Variants in TACR3 observed in about 807,000 individuals in gnomAD.
TACR3 encodes tachykinin receptor 3, also known as neuromedin-K receptor.
Under a neutral mutation model 35.0 loss-of-function variants are expected in TACR3, and 34 were observed. The observed-to-expected ratio is 0.97, with a 90% confidence interval of 0.74 to 1.30. The LOEUF (loss-of-function observed/expected upper bound fraction) is 1.30, where lower values mean the gene tolerates loss of function less well. Ranked by LOEUF, TACR3 falls within the 50% of genes most tolerant of loss-of-function variation. The probability of loss-of-function intolerance (pLI) is 0.00; values close to 1 mark genes in which losing one functional copy is unlikely to be tolerated. For synonymous variants in TACR3, 233 were observed against 221.1 expected, an observed-to-expected ratio of 1.05 and a Z score of -0.48; for missense variants, 558 against 591.7, an observed-to-expected ratio of 0.94 and a Z score of 0.59.
chr4:103,650,939 A>G lies in TACR3; in HGVS notation c.888+5255T>C, dbSNP rs1299361780. ...TAATAATATATATATCTTATATATAATAATATATATATCTCATATATAATA... is the reference window on the plus strand; with the variant it reads ...TAATAATATATATATCTTATATATAGTAATATATATATCTCATATATAATA... On this transcript the variant is annotated intron_variant, in intron 3 of 4. Coordinates refer to ENST00000304883, the MANE Select transcript of TACR3 (RefSeq NM_001059.3). 2.3e-3 allele frequency among the ~76,000 whole-genome samples: 50 copies of G among 21,548 alleles called. 4 individuals carry two copies. The highest frequency in any genetic ancestry group is 9.8e-3 in the African/African-American group (12 of 1,220). 14.1% of individuals were successfully genotyped at this position (21,548 alleles called of 152,430 possible). A position where few individuals can be genotyped will look rare whatever the true frequency, so the allele number is the denominator to read the frequency against.
At chr4:103,697,623 A>C (rs1022125585) in intron 1 of TACR3, among the ~76,000 whole-genome samples, 2 of 151,732 alleles carry the variant, frequency 1.3e-5, no homozygotes, top group Non-Finnish European at 2.9e-5. Flanking sequence ...ATGGGGTTTC[A>C]CCACGTTAGC....
rs1194273720 is a variant in TACR3 at position 103,667,710 on chromosome 4, A to G, written c.549-9307T>C. Among the ~76,000 whole-genome samples, 4 of 152,268 alleles carry G rather than the reference A, an allele frequency of 2.6e-5. No homozygotes were observed. In the South Asian group the frequency reaches 8.3e-4, roughly 32 times the overall value. ...TGAATGTAAGAAATCTGCACTTATA[A>G]CCCCCTCAAAGTTGTAAAACATTTA... On this transcript the variant is annotated intron_variant, in intron 1 of 4. Transcript: ENST00000304883.
chr4:103,629,872 C>CAAAAAAAA (rs1157154870), intron 3 of TACR3, among the ~76,000 whole-genome samples: 5 of 104,104 alleles, frequency 4.8e-5, no homozygotes, highest in African/African-American at 1.1e-4. Flanking sequence ...AAAAAAAAAA[C>CAAAAAAAA]AAAAAAAACA....
chr4:103,706,518 TATATATACACACAC>T (rs1163814433), intron 1 of TACR3, among the ~76,000 whole-genome samples: 10 of 151,862 alleles, frequency 6.6e-5, no homozygotes, highest in Non-Finnish European at 1.2e-4. Flanking sequence ...TATATCTGTG[TATATATACACACAC>T]ATATATACAC....
At chr4:103,708,473 TAGAA>T (rs1194790332) in intron 1 of TACR3, among the ~76,000 whole-genome samples, 1 of 151,960 alleles carries the variant, frequency 6.6e-6, no homozygotes, top group Non-Finnish European at 1.5e-5. Flanking sequence ...AACTAACAAA[TAGAA>T]AGGACATCCG....
chr4:103,599,061 C>T (rs1269496038), intron 3 of TACR3, among the ~76,000 whole-genome samples: 9 of 152,152 alleles, frequency 5.9e-5, no homozygotes, highest in Admixed American at 1.3e-4. Context: ...GCCATTTTCA[C>T]AATATTGATT....
intron 3 of TACR3, among the ~76,000 whole-genome samples, chr4:103,629,188 G>C (rs905935934): frequency 6.6e-6 from 1 of 152,124 alleles, no homozygotes; most frequent in African/African-American, 2.4e-5. Context: ...ATATCATACT[G>C]AATGGGCAAA....
intron 3 of TACR3, among the ~76,000 whole-genome samples, chr4:103,601,385 A>T (rs1250761480): frequency 6.6e-6 from 1 of 152,152 alleles, no homozygotes; most frequent in African/African-American, 2.4e-5. Flanking sequence ...GCCCATTTAC[A>T]TTTAAAGTTA....
chr4:103,647,396 A>C (rs1054866330), intron 3 of TACR3, among the ~76,000 whole-genome samples: 1 of 151,914 alleles, frequency 6.6e-6, no homozygotes. Flanking sequence ...CTCAAATTGG[A>C]ATGTAAGCAT....
At chr4:103,620,852 A>AAATCT (rs1724759320) in intron 3 of TACR3, among the ~76,000 whole-genome samples, 1 of 151,778 alleles carries the variant, frequency 6.6e-6, no homozygotes, top group Non-Finnish European at 1.5e-5. Context: ...CCTATACAAC[A>AAATCT]AATCTACACA....
chr4:103,666,315 G>A (rs756186097), intron 1 of TACR3, among the ~76,000 whole-genome samples: 1 of 152,076 alleles, frequency 6.6e-6, no homozygotes, highest in Non-Finnish European at 1.5e-5. Context: ...GTGAAGGTGG[G>A]AATGAGAGAA....
intron 3 of TACR3, among the ~76,000 whole-genome samples, 173 bp from the exon 4 acceptor site, chr4:103,591,856 C>A (rs1167282274): frequency 6.6e-6 from 1 of 152,112 alleles, no homozygotes; most frequent in Non-Finnish European, 1.5e-5. Flanking sequence ...AGGTAAGTCT[C>A]AAGAAATTAT....
chr4:103,664,355 T>C (rs1180642448), intron 1 of TACR3, among the ~76,000 whole-genome samples: 1 of 152,206 alleles, frequency 6.6e-6, no homozygotes, highest in Non-Finnish European at 1.5e-5. Flanking sequence ...TTTGTAATTG[T>C]TATTTGTATC....
At chr4:103,619,141 A>G (rs931146549) in intron 3 of TACR3, among the ~76,000 whole-genome samples, 2 of 152,076 alleles carry the variant, frequency 1.3e-5, no homozygotes, top group Non-Finnish European at 1.5e-5. Flanking sequence ...AGCAGAGACT[A>G]TAGGGTTTTC....
chr4:103,659,055 T>C (rs1024111544), intron 1 of TACR3, among the ~76,000 whole-genome samples: 1 of 152,150 alleles, frequency 6.6e-6, no homozygotes, highest in Admixed American at 6.6e-5. Flanking sequence ...TAAGGTTGGC[T>C]TTCTATGAGA....
At chr4:103,690,185 T>C (rs1237479221) in intron 1 of TACR3, among the ~76,000 whole-genome samples, 1 of 152,170 alleles carries the variant, frequency 6.6e-6, no homozygotes, top group Non-Finnish European at 1.5e-5. Flanking sequence ...TAAAGGATGT[T>C]CTTCAGGCAG....
chr4:103,676,257 C>T (rs756947433), intron 1 of TACR3, among the ~76,000 whole-genome samples: 6 of 151,980 alleles, frequency 3.9e-5, no homozygotes, highest in Non-Finnish European at 7.3e-5. Flanking sequence ...TAATTGTTCA[C>T]AAATGAGGAC....
intron 1 of TACR3, among the ~76,000 whole-genome samples, chr4:103,671,058 C>A (rs58680606): frequency 6.6e-6 from 1 of 151,740 alleles, no homozygotes; most frequent in African/African-American, 2.4e-5. Flanking sequence ...TTAGCATCTT[C>A]TGAAATAGTC....
At chr4:103,611,608 AATT>A (rs1724514262) in intron 3 of TACR3, among the ~76,000 whole-genome samples, 1 of 151,990 alleles carries the variant, frequency 6.6e-6, no homozygotes, top group Non-Finnish European at 1.5e-5. Flanking sequence ...GGTGCCAGCT[AATT>A]ATGTTTCAAT....
Sources: allele counts gnomAD v4.1 joint callset (sites outside exome capture counted in the v4.1 genomes callset), GRCh38; gene constraint gnomAD v4.1.1; transcripts MANE v1.5; gene names NCBI Gene and HGNC (gene_info 2026-07-23, HGNC 2026-07-21).